RSPH14: variants seen among roughly 807,000 people sequenced by gnomAD.
RSPH14 encodes the protein radial spoke head 14 homolog.
A neutral mutation model predicts 26.7 loss-of-function variants in RSPH14; 20 were observed. The observed-to-expected ratio is 0.75, with a 90% CI of 0.53 to 1.09. The LOEUF (loss-of-function observed/expected upper bound fraction) is 1.09. Among genes scored for constraint, RSPH14 ranks in the 50% least tolerant of loss-of-function variants. RSPH14 has a pLI of 0.00. For synonymous variants in RSPH14, 177 were observed against 189.3 expected (o/e 0.93, Z 0.53); for missense variants, 449 against 457.2 (o/e 0.98, Z 0.16).
chr22:23,153,664 C>A, the RSPH14 span: 1 of 979,838 alleles, frequency 1.0e-6, no homozygotes, highest in Non-Finnish European at 1.2e-6. Flanking sequence ...ACTCCCTCTC[C>A]CCAGCCTCAC....
upstream of RSPH14, chr22:23,142,088 G>A (rs774762175): frequency 3.0e-5 from 29 of 959,174 alleles, no homozygotes; most frequent in Non-Finnish European, 3.6e-5. Context: ...CTGCGCAGGC[G>A]CAAACAGCCC....
intron 4 of RSPH14, among the ~76,000 whole-genome samples, chr22:23,118,194 AG>A (rs1291350579): frequency 6.6e-6 from 1 of 152,196 alleles, no homozygotes; most frequent in Admixed American, 6.5e-5. Flanking sequence ...ACACCACCCC[AG>A]GGACTGCATC....
chr22:23,160,973 C>T, the RSPH14 span: 1 of 1,612,588 alleles, frequency 6.2e-7, no homozygotes, highest in Non-Finnish European at 8.5e-7. Flanking sequence ...GTGCCCGGCT[C>T]CAGGTCGGCA....
At chr22:23,130,129 AAG>A (rs2070307253) in intron 4 of RSPH14, among the ~76,000 whole-genome samples, 1 of 103,266 alleles carries the variant, frequency 9.7e-6, no homozygotes, top group African/African-American at 3.3e-5. Context: ...GAAAGAAAGA[AAG>A]AAAGAAAGAA....
At chr22:23,150,292 T>C in the RSPH14 span, 22 of 676,222 alleles carry the variant, frequency 3.3e-5, no homozygotes, top group Non-Finnish European at 4.7e-5. Context: ...ACTGGGGTTT[T>C]CTTTTTTTTT....
intron 4 of RSPH14, among the ~76,000 whole-genome samples, chr22:23,080,000 G>C (rs1280872177): frequency 2.0e-5 from 3 of 152,194 alleles, no homozygotes; most frequent in Admixed American, 6.5e-5. Flanking sequence ...ACTCAAGTGA[G>C]GGTTTGATGG....
chr22:23,157,165 C>T, the RSPH14 span, among the ~76,000 whole-genome samples: 32 of 152,278 alleles, frequency 2.1e-4, no homozygotes, highest in Admixed American at 7.2e-4. Flanking sequence ...CCTGGCTCCC[C>T]GGAAGTTGTT....
At chr22:23,063,803 G>A in intron 5 of RSPH14, 99 bp downstream of exon 5, 2 of 1,101,320 alleles carry the variant, frequency 1.8e-6, no homozygotes, top group East Asian at 2.6e-5. Context: ...GCAGGCAAGG[G>A]GAAGCAGGCC....
the RSPH14 span, among the ~76,000 whole-genome samples, chr22:23,172,415 C>CA: frequency 0.046 from 2,695 of 59,088 alleles, 62 homozygotes; most frequent in East Asian, 0.21. Context: ...GATTCTGTCT[C>CA]AAAAAAAAAA....
At chr22:23,064,283 C>A (rs2068156923) in intron 4 of RSPH14, 150 bp from the exon 5 acceptor site, 2 of 704,510 alleles carry the variant, frequency 2.8e-6, no homozygotes, top group Non-Finnish European at 4.8e-6. Flanking sequence ...ACACACGTCC[C>A]GCCTGGCCAG....
At position 23,083,155 on chromosome 22, in the gene RSPH14, T is replaced by G. The variant is rs922250625; in HGVS notation, c.422-19022A>C. On this transcript the variant is annotated intron_variant, in intron 4 of 6. Coordinates refer to ENST00000216036, the MANE Select transcript of RSPH14 (RefSeq NM_014433.3). The stretch of plus-strand genomic sequence containing the variant: ...AAGGAGGGGTCCTTAGGGGCTAGCC[T>G]GCAGCTCGGAGAGGGGCAGGTGTGA... Among the ~76,000 whole-genome samples the G allele has an allele frequency of 5.5e-4, 83 of 152,078 alleles. 1 individual carries two copies. The highest frequency in any genetic ancestry group is 1.9e-3 in the African/African-American group (80 of 41,452).
intron 4 of RSPH14, among the ~76,000 whole-genome samples, chr22:23,110,613 G>A (rs2069617281): frequency 6.6e-6 from 1 of 152,244 alleles, no homozygotes; most frequent in South Asian, 2.1e-4. Context: ...GGCCAACCAG[G>A]CTGTGTGCCC....
chr22:23,086,651 T>C (rs577653010), intron 4 of RSPH14, among the ~76,000 whole-genome samples: 11 of 152,326 alleles, frequency 7.2e-5, no homozygotes, highest in Admixed American at 2.6e-4. Context: ...CAGCCCACAG[T>C]TGCCCCTGAC....
intron 6 of RSPH14, among the ~76,000 whole-genome samples, chr22:23,059,953 A>T (rs1392947470): frequency 3.3e-5 from 5 of 151,818 alleles, no homozygotes; most frequent in Non-Finnish European, 7.4e-5. Flanking sequence ...CTCTCCATCC[A>T]CCCTCGTATC....
chr22:23,165,364 T>C, the RSPH14 span, among the ~76,000 whole-genome samples: 2 of 152,164 alleles, frequency 1.3e-5, no homozygotes, highest in Admixed American at 1.3e-4. Flanking sequence ...CATCCCTCAC[T>C]TGCAAACCCC....
At chr22:23,141,584 A>T (rs992731997) in intron 1 of RSPH14, among the ~76,000 whole-genome samples, 2 of 152,226 alleles carry the variant, frequency 1.3e-5, no homozygotes, top group African/African-American at 4.8e-5. Flanking sequence ...GGCTTCAGCT[A>T]TGTTGGCTGT....
chr22:23,063,505 T>C (rs1206791016), intron 5 of RSPH14, among the ~76,000 whole-genome samples: 1 of 152,176 alleles, frequency 6.6e-6, no homozygotes, highest in Non-Finnish European at 1.5e-5. Flanking sequence ...TGCCTCCTTT[T>C]CTCACCTGTG....
chr22:23,060,528 C>T (rs2068073213), intron 6 of RSPH14, among the ~76,000 whole-genome samples: 2 of 152,070 alleles, frequency 1.3e-5, no homozygotes, highest in Non-Finnish European at 2.9e-5. Context: ...TTCTTGAGCA[C>T]CTACTCTGCA....
the RSPH14 span, among the ~76,000 whole-genome samples, chr22:23,157,805 G>A: frequency 1.3e-5 from 2 of 152,226 alleles, no homozygotes; most frequent in African/African-American, 4.8e-5. Flanking sequence ...GGTGCAGGCT[G>A]GAGGGTCCCG....
Sources: gnomAD v4.1 joint callset for allele counts (sites outside exome capture counted in the v4.1 genomes callset) on GRCh38, gnomAD v4.1.1 for gene constraint, MANE v1.5 for transcripts, NCBI Gene and HGNC (gene_info 2026-07-23, HGNC 2026-07-21) for gene names.